Variants in RTN4RL1 observed in about 807,000 individuals in gnomAD.
RTN4RL1 encodes the protein reticulon-4 receptor-like 1.
A neutral mutation model predicts 25.6 loss-of-function variants in RTN4RL1; 7 were observed. The observed-to-expected ratio is 0.27, with a 90% confidence interval of 0.16 to 0.51. The LOEUF (loss-of-function observed/expected upper bound fraction) is 0.51. RTN4RL1 is among the 20% of genes least tolerant of loss of function. The pLI is 0.97. For synonymous variants in RTN4RL1, 297 were observed against 288.2 expected (o/e 1.03, Z -0.31); for missense variants, 500 against 615.6 (o/e 0.81, Z 1.99).
chr17:1,939,334 C>A (rs1459117415), intron 1 of RTN4RL1, among the ~76,000 whole-genome samples: 1 of 151,224 alleles, frequency 6.6e-6, no homozygotes, highest in Non-Finnish European at 1.5e-5. Context: ...GCCTGGGCGA[C>A]AGAGCGAAAC....
chr17:1,997,324 A>G (rs2066933642), intron 1 of RTN4RL1, among the ~76,000 whole-genome samples: 1 of 152,098 alleles, frequency 6.6e-6, no homozygotes, highest in African/African-American at 2.4e-5. Flanking sequence ...CTTTTTCCCC[A>G]ACCCATCGTC....
chr17:2,017,397 G>C (rs926768905), intron 1 of RTN4RL1, among the ~76,000 whole-genome samples: 2 of 152,322 alleles, frequency 1.3e-5, no homozygotes, highest in South Asian at 4.1e-4. Flanking sequence ...GACATGTCAC[G>C]AGTCGTGCCC....
chr17:2,020,705 C>T (rs1383968000), intron 1 of RTN4RL1: 1 of 152,186 alleles, frequency 6.6e-6, no homozygotes, highest in African/African-American at 2.4e-5. Context: ...TAATGAAAGA[C>T]AGTTATAAGA....
chr17:1,951,652 CAT>C (rs1415258738), intron 1 of RTN4RL1, among the ~76,000 whole-genome samples: 2 of 152,030 alleles, frequency 1.3e-5, no homozygotes, highest in African/African-American at 2.4e-5. Context: ...GGTTTCACCA[CAT>C]GTTGGTCAGG....
chr17:2,015,450 C>T (rs541933497), intron 1 of RTN4RL1, among the ~76,000 whole-genome samples: 5 of 152,230 alleles, frequency 3.3e-5, no homozygotes, highest in Non-Finnish European at 4.4e-5. Context: ...TGCTGAAAGC[C>T]CCCAGAGCCA....
At chr17:1,972,536 C>G (rs1417631948) in intron 1 of RTN4RL1, among the ~76,000 whole-genome samples, 2 of 152,090 alleles carry the variant, frequency 1.3e-5, no homozygotes, top group Non-Finnish European at 2.9e-5. Flanking sequence ...TTTGCGGCCC[C>G]TCCCCTGCAA....
chr17:1,982,748 G>A (rs541181680), intron 1 of RTN4RL1, among the ~76,000 whole-genome samples: 1 of 152,356 alleles, frequency 6.6e-6, no homozygotes, highest in African/African-American at 2.4e-5. Flanking sequence ...CTCCCCGACA[G>A]CTCCAGGTTG....
chr17:1,945,681 C>A (rs952534403), intron 1 of RTN4RL1, among the ~76,000 whole-genome samples: 10 of 152,224 alleles, frequency 6.6e-5, no homozygotes, highest in African/African-American at 2.4e-4. Flanking sequence ...ACAGCATTCC[C>A]CCTCTTCTAA....
chr17:2,000,020 G>C (rs977088541), intron 1 of RTN4RL1, among the ~76,000 whole-genome samples: 2 of 152,390 alleles, frequency 1.3e-5, no homozygotes, highest in Admixed American at 6.5e-5. Context: ...CAGGGGCACA[G>C]GCCGGCCATC....
intron 1 of RTN4RL1, among the ~76,000 whole-genome samples, chr17:1,961,597 G>T (rs1440023344): frequency 6.6e-6 from 1 of 151,772 alleles, no homozygotes; most frequent in South Asian, 2.1e-4. Flanking sequence ...TCCCACTCTT[G>T]TCCTAGTGTG....
At chr17:2,018,853 C>A (rs2067161623) in intron 1 of RTN4RL1, 1 of 152,574 alleles carries the variant, frequency 6.6e-6, no homozygotes. Flanking sequence ...TCAGTAAACA[C>A]AAGCGGCTAT....
At chr17:1,948,153 T>G (rs1427868131) in intron 1 of RTN4RL1, among the ~76,000 whole-genome samples, 2 of 152,026 alleles carry the variant, frequency 1.3e-5, no homozygotes, top group East Asian at 3.9e-4. Context: ...GGGCTGAGGG[T>G]CCCTGCCAGG....
rs61209329 is a variant in RTN4RL1, at chr17:2,005,739, TTCTCTCTC to T, written c.13+19106_13+19113del. Among the ~76,000 whole-genome samples the T allele has an allele frequency of 8.9e-4, 129 of 145,220 alleles. 1 individual carries two copies. Among genetic ancestry groups the T allele is most frequent in the African/African-American group, 2.3e-3 (89 of 38,972 alleles). On this transcript the variant is annotated intron_variant, in intron 1 of 1. Transcript: ENST00000331238. The stretch of plus-strand genomic sequence containing the variant: ...AGAGCAAGACCATCTCTCTCTCTCT[TTCTCTCTC>T]TCTCTCTCTCTCTCTCTCCTTCTCT...
rs117200505 is a variant in RTN4RL1 at position 1,998,887 on chromosome 17, C to A, written c.13+25966G>T. Among the ~76,000 whole-genome samples, 4,019 of 151,736 alleles carry A rather than the reference C, an allele frequency of 0.026. 67 individuals are homozygous for A. Among genetic ancestry groups the A allele is most frequent in the Non-Finnish European group, 0.038 (2,557 of 67,986 alleles). ...GACCCCGGAGCCCCTTTATTCTCTA[C>A]GCGCTCATCCCACGCGCAGAACAGA... On this transcript the variant is annotated intron_variant, in intron 1 of 1. Transcript: ENST00000331238. This position sits in a 1 kb window ranked among gnomAD's most constrained non-coding sequence, Gnocchi z 4.9.
At position 1,998,655 on chromosome 17, in the gene RTN4RL1, C is replaced by T. The variant is rs1370014696; in HGVS notation, c.13+26198G>A. Among the ~76,000 whole-genome samples, 2 of 152,016 alleles carry T rather than the reference C, an allele frequency of 1.3e-5. No homozygotes were observed. The highest frequency in any genetic ancestry group is 2.9e-5 in the Non-Finnish European group (2 of 67,946). On this transcript the variant is annotated intron_variant, in intron 1 of 1. Coordinates refer to ENST00000331238, the MANE Select transcript of RTN4RL1 (RefSeq NM_178568.4). This position sits in a 1 kb window ranked among gnomAD's most constrained non-coding sequence, Gnocchi z 4.9. ...TCCTGGGCTCGCCGGGATGTGGCCT[C>T]CGAGGTCGCCGCGGCGCTTTCCTGC...
At chr17:1,999,016 C>T (rs2066943333) in intron 1 of RTN4RL1, among the ~76,000 whole-genome samples, 1 of 152,024 alleles carries the variant, frequency 6.6e-6, no homozygotes, top group Non-Finnish European at 1.5e-5. Flanking sequence ...GGGCGGGGAC[C>T]ACTCCACAGC....
At chr17:1,957,654 A>G (rs1425489862) in intron 1 of RTN4RL1, among the ~76,000 whole-genome samples, 1 of 151,918 alleles carries the variant, frequency 6.6e-6, no homozygotes, top group Non-Finnish European at 1.5e-5. Context: ...CAGCGTGGCC[A>G]ACATGGTGAA....
At chr17:1,995,699 C>A in intron 1 of RTN4RL1, 1 of 152,240 alleles carries the variant, frequency 6.6e-6, no homozygotes, top group East Asian at 1.9e-4. Flanking sequence ...GATCTACCAT[C>A]AAAGGTAAAC....
chr17:1,993,797 A>T (rs1384062578), intron 1 of RTN4RL1, among the ~76,000 whole-genome samples: 1 of 152,036 alleles, frequency 6.6e-6, no homozygotes, highest in African/African-American at 2.4e-5. Context: ...AAAAAAAAAA[A>T]TTCCGATAAC....
Sources: gnomAD v4.1 joint callset for allele counts (sites outside exome capture counted in the v4.1 genomes callset) on GRCh38, gnomAD v4.1.1 for gene constraint, Gnocchi (gnomAD v3.1) non-coding constraint, MANE v1.5 for transcripts, NCBI Gene and HGNC (gene_info 2026-07-23, HGNC 2026-07-21) for gene names.